UACA: variants seen among roughly 807,000 people sequenced by gnomAD.
UACA encodes uveal autoantigen with coiled-coil domains and ankyrin repeats, also known as nuclear membrane binding protein.
A neutral mutation model predicts 160.5 loss-of-function variants in UACA; 112 were observed. The observed-to-expected ratio is 0.70, with a 90% CI of 0.60 to 0.82. UACA has a LOEUF of 0.82. UACA is among the 40% of genes least tolerant of loss of function. The probability of loss-of-function intolerance (pLI) is 0.00; values close to 1 mark genes in which losing one functional copy is unlikely to be tolerated. For missense variants in UACA, 1,574 were observed against 1,614.6 expected (o/e 0.97, Z 0.43); for synonymous variants, 557 against 568.4 (o/e 0.98, Z 0.29).
At chr15:70,716,264 C>T (rs139626954) in intron 1 of UACA, among the ~76,000 whole-genome samples, 171 of 152,218 alleles carry the variant, frequency 1.1e-3, no homozygotes, top group African/African-American at 4.0e-3. Context: ...GCCCAGCCAC[C>T]CAGCCACACC....
intron 7 of UACA, 89 bp downstream of exon 7, chr15:70,687,451 C>T (rs1897765254): frequency 1.0e-5 from 13 of 1,259,128 alleles, no homozygotes; most frequent in Non-Finnish European, 1.5e-5. Flanking sequence ...AAAGAAAGGC[C>T]AAGTCAGAGA....
chr15:70,741,050 A>G (rs1403503463), intron 1 of UACA, among the ~76,000 whole-genome samples: 1 of 152,010 alleles, frequency 6.6e-6, no homozygotes, highest in Admixed American at 6.5e-5. Context: ...ATAAAAATAA[A>G]ATAAAATAAA....
At chr15:70,719,417 A>T (rs1359233086) in intron 1 of UACA, among the ~76,000 whole-genome samples, 4 of 152,224 alleles carry the variant, frequency 2.6e-5, no homozygotes, top group Admixed American at 2.6e-4. Context: ...GATTCCCCCG[A>T]CAGGCAGACT....
At chr15:70,728,299 C>T (rs1899207100) in intron 1 of UACA, among the ~76,000 whole-genome samples, 4 of 152,320 alleles carry the variant, frequency 2.6e-5, no homozygotes, top group Middle Eastern at 3.4e-3. Flanking sequence ...CGCAGCGGCT[C>T]ACGCCTGTAA....
chr15:70,697,048 T>C (rs1213162896), intron 2 of UACA, among the ~76,000 whole-genome samples: 1 of 152,172 alleles, frequency 6.6e-6, no homozygotes, highest in Non-Finnish European at 1.5e-5. Context: ...AAAATACTAT[T>C]TTGCAATTTA....
intron 2 of UACA, among the ~76,000 whole-genome samples, chr15:70,695,363 GA>G (rs1211766342): frequency 6.6e-6 from 1 of 152,080 alleles, no homozygotes; most frequent in African/African-American, 2.4e-5. Flanking sequence ...CTTAATAAGA[GA>G]AAATTTATAC....
the UACA span, among the ~76,000 whole-genome samples, chr15:70,775,154 T>C: frequency 4.6e-3 from 705 of 152,318 alleles, 6 homozygotes; most frequent in Non-Finnish European, 4.9e-3. Context: ...CAAGGTCTAT[T>C]GAAGAAGAGA....
intron 1 of UACA, among the ~76,000 whole-genome samples, chr15:70,711,474 C>T (rs1232834987): frequency 2.0e-5 from 3 of 147,996 alleles, no homozygotes; most frequent in Non-Finnish European, 4.5e-5. Flanking sequence ...CCAGCCTGAC[C>T]AACATGGCAA....
chr15:70,701,139 C>T (rs1898347170), intron 1 of UACA, among the ~76,000 whole-genome samples: 1 of 152,114 alleles, frequency 6.6e-6, no homozygotes, highest in South Asian at 2.1e-4. Context: ...GAACCTGGTT[C>T]AAGTACCTAC....
intron 1 of UACA, among the ~76,000 whole-genome samples, chr15:70,758,108 T>G (rs1403126812): frequency 6.6e-6 from 1 of 152,212 alleles, no homozygotes; most frequent in Non-Finnish European, 1.5e-5. Flanking sequence ...ATTAAAAAAC[T>G]AATTAAAATC....
At chr15:70,776,425 CTTT>C in the UACA span, among the ~76,000 whole-genome samples, 78 of 125,292 alleles carry the variant, frequency 6.2e-4, no homozygotes, top group African/African-American at 1.6e-3. Flanking sequence ...CCTCAAATGT[CTTT>C]TTTTTTTTTT....
In UACA at chr15:70,682,746, A is replaced by C; in HGVS notation, c.822+12T>G. 1 of 1,519,924 alleles carries C rather than the reference A, an allele frequency of 6.6e-7. No individual in the cohort carries two copies. The highest frequency in any genetic ancestry group is 8.9e-7 in the Non-Finnish European group (1 of 1,126,804). The allele number at this position is 1,519,924 out of a possible 1,614,324, so 94.2% of individuals were successfully genotyped here. On this transcript the variant is annotated intron_variant, in intron 9 of 18. Coordinates refer to ENST00000322954, the MANE Select transcript of UACA (RefSeq NM_018003.4). ...ATACATATAATTATTTAAAATTAAA[A>C]TTAATATCTACCTGTTGCAAAGATG...
intron 1 of UACA, among the ~76,000 whole-genome samples, chr15:70,707,308 G>A (rs537400337): frequency 5.9e-5 from 9 of 152,138 alleles, no homozygotes; most frequent in African/African-American, 2.2e-4. Flanking sequence ...CTAAACATAA[G>A]ACCCCAAACT....
intron 10 of UACA, among the ~76,000 whole-genome samples, chr15:70,678,525 T>C (rs1897367675): frequency 2.0e-5 from 3 of 152,210 alleles, no homozygotes; most frequent in Non-Finnish European, 4.4e-5. Context: ...TTTTAACTTT[T>C]GCTTAAGACC....
Position 70,702,495 on chromosome 15 carries a change from C to T in UACA, c.79-2835G>A, listed in dbSNP as rs567680614. On this transcript the variant is annotated intron_variant, in intron 1 of 18. Transcript: ENST00000322954. ...GGTCTACTGGGGAAAATGACTCAAACATATTGTAAAACATGCTTATTATAT... is the reference window on the plus strand; with the variant it reads ...GGTCTACTGGGGAAAATGACTCAAATATATTGTAAAACATGCTTATTATAT... Among the ~76,000 whole-genome samples the T allele has an allele frequency of 3.9e-5, 6 of 152,220 alleles. No individual in the cohort carries two copies. In the East Asian group the frequency reaches 9.6e-4, roughly 24 times the overall value.
intron 18 of UACA, 65 bp from the exon 19 acceptor site, chr15:70,657,192 G>A: frequency 2.2e-6 from 3 of 1,359,058 alleles, no homozygotes; most frequent in Non-Finnish European, 3.2e-6. Flanking sequence ...GAATTCTAAA[G>A]ATAAAGCTTT....
At position 70,667,314 on chromosome 15, in the gene UACA, G is replaced by A. The variant is rs749863215; in HGVS notation, c.3370C>T (p.Leu1124Phe). 6.2e-7 allele frequency: 1 copy of A among 1,611,252 alleles called. No homozygotes were observed. The highest frequency in any genetic ancestry group is 8.5e-7 in the Non-Finnish European group (1 of 1,179,414). The stretch of plus-strand genomic sequence containing the variant: ...TTTAGATTTTCAATTGTGCCATTAA[G>A]AGATTTTTTCAGAGCCTCAACCTGT... Reference protein sequence around the residue: ...LEQVEALKKSLNGTIENLKEE... With the variant: ...LEQVEALKKSFNGTIENLKEE... The change falls in exon 16 of 19, where the codon CTT becomes TTT. Residue 1124 changes from leucine to phenylalanine, a missense_variant. Coordinates refer to ENST00000322954, the MANE Select transcript of UACA (RefSeq NM_018003.4).
In UACA at chr15:70,669,109, T is replaced by C. The variant is rs759626819; in HGVS notation, c.1575A>G (p.Glu525=). Residue 525 remains glutamate, a synonymous_variant, in exon 16 of 19, where the codon GAA becomes GAG. Coordinates refer to ENST00000322954, the MANE Select transcript of UACA (RefSeq NM_018003.4). ...CTGAGGCTGCTTCACTTGTTAAGTGTTCTTTAAGGGCAAGAAAATGGGTCT... is the reference window on the plus strand; with the variant it reads ...CTGAGGCTGCTTCACTTGTTAAGTGCTCTTTAAGGGCAAGAAAATGGGTCT... ...QMQTHFLALK[E]HLTSEAASGN... 3 of 1,614,138 alleles carry C rather than the reference T, an allele frequency of 1.9e-6. No homozygotes were observed. Among genetic ancestry groups the C allele is most frequent in the Non-Finnish European group, 2.5e-6 (3 of 1,180,010 alleles).
intron 18 of UACA, among the ~76,000 whole-genome samples, chr15:70,658,776 AG>A (rs1896573123): frequency 6.6e-6 from 1 of 152,148 alleles, no homozygotes. Context: ...TAATATGAAA[AG>A]TTTTGCTTCC....
Sources: allele counts gnomAD v4.1 joint callset (sites outside exome capture counted in the v4.1 genomes callset), GRCh38; gene constraint gnomAD v4.1.1; transcripts MANE v1.5; gene names NCBI Gene and HGNC (gene_info 2026-07-23, HGNC 2026-07-21).